KLF12: variants seen among roughly 807,000 people sequenced by gnomAD.
KLF12 encodes KLF transcription factor 12.
KLF12 carries 9 observed loss-of-function variants against 37.8 expected under a neutral mutation model. The ratio of observed to expected loss-of-function variants is 0.24; its 90% CI spans 0.14 to 0.42. The LOEUF (loss-of-function observed/expected upper bound fraction) is 0.42. KLF12 is among the 10% of genes least tolerant of loss of function. The pLI is 1.00. For missense variants in KLF12, 411 were observed against 516.0 expected, an observed-to-expected ratio of 0.80 and a Z score of 1.97; for synonymous variants, 208 against 202.1, an observed-to-expected ratio of 1.03 and a Z score of -0.25.
At chr13:74,027,997 T>C (rs1893021080) in intron 1 of KLF12, among the ~76,000 whole-genome samples, 1 of 152,210 alleles carries the variant, frequency 6.6e-6, no homozygotes, top group Non-Finnish European at 1.5e-5. Flanking sequence ...AAAAATGAGA[T>C]ATCACTTAAC....
intron 1 of KLF12, among the ~76,000 whole-genome samples, chr13:74,015,688 A>G (rs1013974379): frequency 6.6e-6 from 1 of 152,196 alleles, no homozygotes; most frequent in African/African-American, 2.4e-5. Flanking sequence ...TATCTTTATA[A>G]AACACTATTA....
intron 7 of KLF12, among the ~76,000 whole-genome samples, chr13:73,698,098 A>G (rs1874276469): frequency 6.6e-6 from 1 of 151,364 alleles, no homozygotes; most frequent in Non-Finnish European, 1.5e-5. Flanking sequence ...TTAAGGCCGC[A>G]GTGAGCTATG....
chr13:74,034,384 T>C (rs192295000), intron 1 of KLF12, among the ~76,000 whole-genome samples: 4 of 152,332 alleles, frequency 2.6e-5, no homozygotes, highest in African/African-American at 9.6e-5. Flanking sequence ...ATGCATTCTC[T>C]TGTGAAATCC....
At chr13:73,744,375 G>A (rs754258197) in intron 6 of KLF12, among the ~76,000 whole-genome samples, 1 of 152,184 alleles carries the variant, frequency 6.6e-6, no homozygotes, top group Non-Finnish European at 1.5e-5. Context: ...GGTTGGTTGT[G>A]AATTTCTCAT....
At chr13:73,817,323 A>AAAAAG (rs1566390613) in intron 4 of KLF12, among the ~76,000 whole-genome samples, 1 of 146,728 alleles carries the variant, frequency 6.8e-6, no homozygotes, top group Non-Finnish European at 1.5e-5. Context: ...TGTTTCAAAA[A>AAAAAG]AAAAAGAAAA....
intron 3 of KLF12, among the ~76,000 whole-genome samples, chr13:73,876,389 C>T (rs951849335): frequency 6.6e-6 from 1 of 152,208 alleles, no homozygotes; most frequent in African/African-American, 2.4e-5. Flanking sequence ...AGAAAACTCT[C>T]TTCCCTTAAA....
intron 1 of KLF12, among the ~76,000 whole-genome samples, chr13:74,104,253 G>C (rs1876527479): frequency 1.3e-5 from 2 of 152,166 alleles, no homozygotes; most frequent in African/African-American, 2.4e-5. Flanking sequence ...TTCCTCTGTG[G>C]AAACAGAGAT....
chr13:74,004,930 G>C lies in KLF12; in HGVS notation c.-31-9877C>G, dbSNP rs555017613. 2.2e-3 allele frequency among the ~76,000 whole-genome samples: 330 copies of C among 148,644 alleles called. 4 individuals are homozygous for C. Among genetic ancestry groups the C allele is most frequent in the African/African-American group, 7.8e-3 (315 of 40,392 alleles). On this transcript the variant is annotated intron_variant, in intron 1 of 7. Coordinates refer to ENST00000377669, the MANE Select transcript of KLF12 (RefSeq NM_007249.5). ...CCTCACCAATGATATCCAAACCTGTGCACAGACAAAAAAAAAAAAGGGAAT... is the reference window on the plus strand; with the variant it reads ...CCTCACCAATGATATCCAAACCTGTCCACAGACAAAAAAAAAAAAGGGAAT...
intron 2 of KLF12, among the ~76,000 whole-genome samples, chr13:73,950,393 T>A (rs1332106149): frequency 6.6e-6 from 1 of 152,200 alleles, no homozygotes; most frequent in Non-Finnish European, 1.5e-5. Flanking sequence ...CCTTTGTTCA[T>A]TGGGCAGAGG....
chr13:73,847,108 T>C (rs1220851316), intron 3 of KLF12, among the ~76,000 whole-genome samples: 2 of 152,142 alleles, frequency 1.3e-5, no homozygotes, highest in African/African-American at 4.8e-5. Flanking sequence ...CCCAGACTAA[T>C]GTGATCAGCA....
chr13:73,737,279 C>A (rs2137852751), intron 6 of KLF12, among the ~76,000 whole-genome samples: 1 of 152,226 alleles, frequency 6.6e-6, no homozygotes, highest in South Asian at 2.1e-4. Context: ...TTCTTTGAGT[C>A]ACAAATTAAA....
Position 73,912,456 on chromosome 13 carries a change from A to G in KLF12, c.123+31525T>C, listed in dbSNP as rs116819764. 3.6e-3 allele frequency among the ~76,000 whole-genome samples: 543 copies of G among 152,242 alleles called. 5 individuals are homozygous for G. Among genetic ancestry groups the G allele is most frequent in the African/African-American group, 0.013 (523 of 41,522 alleles). On this transcript the variant is annotated intron_variant, in intron 3 of 7. Coordinates refer to ENST00000377669, the MANE Select transcript of KLF12 (RefSeq NM_007249.5). Reference sequence around the variant, plus strand: ...TGGAAGACGGTGGGCCCTGAATCCAATAAGACAGGTGTCCTTATAAGAACA... The same window carrying G: ...TGGAAGACGGTGGGCCCTGAATCCAGTAAGACAGGTGTCCTTATAAGAACA...
chr13:73,896,020 C>T (rs1846492597), intron 3 of KLF12, among the ~76,000 whole-genome samples: 1 of 152,016 alleles, frequency 6.6e-6, no homozygotes, highest in Non-Finnish European at 1.5e-5. Flanking sequence ...GAGGGTTTCA[C>T]CATGTTGGCC....
At chr13:73,937,591 C>G (rs1035197595) in intron 3 of KLF12, among the ~76,000 whole-genome samples, 1 of 152,078 alleles carries the variant, frequency 6.6e-6, no homozygotes, top group African/African-American at 2.4e-5. Context: ...ACCATCAGAG[C>G]GCAGGGACAT....
the KLF12 span, among the ~76,000 whole-genome samples, chr13:74,275,858 CTTTCTTTCTATCTTTCTTTCTTCT>C: frequency 2.2e-4 from 25 of 113,856 alleles, no homozygotes; most frequent in Admixed American, 1.2e-3. Flanking sequence ...TTCTTTCTTT[CTTTCTTTCTATCTTTCTTTCTTCT>C]TTCTTTCTTT....
At chr13:74,196,897 A>G in the KLF12 span, among the ~76,000 whole-genome samples, 2 of 152,064 alleles carry the variant, frequency 1.3e-5, no homozygotes, top group Admixed American at 1.3e-4. Context: ...CTTTTTTATT[A>G]AGTTAGTTTA....
chr13:74,208,627 GATAA>G, the KLF12 span, among the ~76,000 whole-genome samples: 1 of 151,866 alleles, frequency 6.6e-6, no homozygotes, highest in Non-Finnish European at 1.5e-5. Flanking sequence ...AAAATTTTTG[GATAA>G]ATACTTTCAA....
At chr13:74,135,677 G>A (rs1451228798), upstream of KLF12, among the ~76,000 whole-genome samples, 1 of 151,944 alleles carries the variant, frequency 6.6e-6, no homozygotes, top group Non-Finnish European at 1.5e-5. Context: ...GGCGCTCCGG[G>A]CACGACAGTA....
At chr13:73,845,569 G>C (rs1884968738) in intron 4 of KLF12, among the ~76,000 whole-genome samples, 1 of 152,186 alleles carries the variant, frequency 6.6e-6, no homozygotes, top group African/African-American at 2.4e-5. Context: ...TGCAAACTTA[G>C]ATATCTGAAT....
Sources: gnomAD v4.1 joint callset for allele counts (sites outside exome capture counted in the v4.1 genomes callset) on GRCh38, gnomAD v4.1.1 for gene constraint, MANE v1.5 for transcripts, NCBI Gene and HGNC (gene_info 2026-07-23, HGNC 2026-07-21) for gene names.